The following ME3 variants were observed in gnomAD, a reference collection of about 807,000 sequenced individuals.
ME3 encodes NADP-dependent malic enzyme, mitochondrial.
ME3 carries 48 observed loss-of-function variants against 68.9 expected under a neutral mutation model. The ratio of observed to expected loss-of-function variants is 0.70; its 90% CI spans 0.55 to 0.89. The LOEUF (loss-of-function observed/expected upper bound fraction) is 0.89. Among genes scored for constraint, ME3 ranks in the 40% least tolerant of loss-of-function variants. The pLI is 0.00. For missense variants in ME3, 675 were observed against 797.4 expected (o/e 0.85, Z 1.85); for synonymous variants, 320 against 318.8 (o/e 1.00, Z -0.04).
intron 8 of ME3, among the ~76,000 whole-genome samples, chr11:86,462,391 A>C (rs1252702601): frequency 6.6e-6 from 1 of 152,238 alleles, no homozygotes; most frequent in Admixed American, 6.5e-5. Flanking sequence ...CTTCTGGTCA[A>C]CAGTAGGCTA....
At chr11:86,538,262 A>T (rs1194538416) in intron 4 of ME3, among the ~76,000 whole-genome samples, 1 of 152,202 alleles carries the variant, frequency 6.6e-6, no homozygotes, top group Non-Finnish European at 1.5e-5. Context: ...GTTGGAATAG[A>T]ATAGATTCAG....
chr11:86,499,787 C>A (rs140274142), intron 5 of ME3, among the ~76,000 whole-genome samples: 1 of 152,188 alleles, frequency 6.6e-6, no homozygotes, highest in African/African-American at 2.4e-5. Context: ...TTCCCCATAG[C>A]CTGGGCAGGT....
At chr11:86,531,574 G>C (rs112277557) in intron 4 of ME3, among the ~76,000 whole-genome samples, 11,744 of 152,114 alleles carry the variant, frequency 0.077, 575 homozygotes, top group East Asian at 0.26. Context: ...GCACTATTCA[G>C]AATAGCAAAG....
intron 2 of ME3, among the ~76,000 whole-genome samples, chr11:86,584,604 A>G (rs753657205): frequency 9.9e-5 from 15 of 152,248 alleles, no homozygotes; most frequent in Admixed American, 8.5e-4. Context: ...ATGGAATATT[A>G]TTCAGCCTTA....
chr11:86,553,139 G>T (rs1956775745), intron 4 of ME3, among the ~76,000 whole-genome samples: 1 of 152,218 alleles, frequency 6.6e-6, no homozygotes, highest in Non-Finnish European at 1.5e-5. Context: ...GCAGGATGAG[G>T]CAAAGGAGGC....
At chr11:86,661,451 A>G (rs1338764190) in intron 2 of ME3, among the ~76,000 whole-genome samples, 1 of 152,206 alleles carries the variant, frequency 6.6e-6, no homozygotes, top group Non-Finnish European at 1.5e-5. Context: ...CTTTAATTCT[A>G]TTTGTAGAAT....
At chr11:86,602,913 C>T (rs1421508853) in intron 2 of ME3, among the ~76,000 whole-genome samples, 5 of 152,174 alleles carry the variant, frequency 3.3e-5, no homozygotes, top group South Asian at 2.1e-4. Flanking sequence ...AAAGCTGAAA[C>T]TGGATCCTTT....
intron 7 of ME3, among the ~76,000 whole-genome samples, chr11:86,466,458 G>A (rs1453887632): frequency 6.6e-6 from 1 of 152,162 alleles, no homozygotes; most frequent in African/African-American, 2.4e-5. Flanking sequence ...CTTCCAACCT[G>A]GTGACCTACA....
At chr11:86,475,780 A>G (rs2138828962) in intron 7 of ME3, among the ~76,000 whole-genome samples, 1 of 151,446 alleles carries the variant, frequency 6.6e-6, no homozygotes, top group Middle Eastern at 3.4e-3. Flanking sequence ...TTAAAGTCCT[A>G]GGCTGGATCC....
intron 4 of ME3, among the ~76,000 whole-genome samples, chr11:86,539,994 G>A (rs1039121873): frequency 1.3e-5 from 2 of 152,210 alleles, no homozygotes; most frequent in Admixed American, 6.5e-5. Flanking sequence ...TATGGTAAAC[G>A]TATCTGATAG....
rs752012199 is a variant in ME3, at chr11:86,442,939, C to T, written c.1555-20G>A. On this transcript the variant is annotated intron_variant, in intron 13 of 14. Coordinates refer to ENST00000543262, the Ensembl canonical transcript of ME3. ...AATTTGCTGGGGAGAAGGAGAGAAC[C>T]GAGAGGAATAAGCTGAGTCTCTGCC... The T allele has an allele frequency of 1.3e-5, 20 of 1,586,174 alleles. No individual in the cohort carries two copies. The highest frequency in any genetic ancestry group is 8.9e-5 in the South Asian group (8 of 90,174).
chr11:86,605,735 T>A (rs1192166070), intron 2 of ME3, among the ~76,000 whole-genome samples: 2 of 152,188 alleles, frequency 1.3e-5, no homozygotes, highest in Non-Finnish European at 2.9e-5. Flanking sequence ...ATAGATTTTT[T>A]AAAAATCACA....
At chr11:86,579,362 G>C (rs1651330465) in intron 2 of ME3, among the ~76,000 whole-genome samples, 2 of 152,138 alleles carry the variant, frequency 1.3e-5, no homozygotes, top group South Asian at 4.2e-4. Context: ...ATCAGGCCTT[G>C]GAGTTGGTGT....
intron 8 of ME3, among the ~76,000 whole-genome samples, chr11:86,464,839 C>T (rs372342465): frequency 6.6e-6 from 1 of 152,228 alleles, no homozygotes; most frequent in Admixed American, 6.5e-5. Context: ...TTCTTACATA[C>T]ATTAAATCAC....
At chr11:86,535,876 T>C (rs903933841) in intron 4 of ME3, among the ~76,000 whole-genome samples, 12 of 152,184 alleles carry the variant, frequency 7.9e-5, no homozygotes, top group Non-Finnish European at 1.5e-4. Flanking sequence ...TTCTTCTATC[T>C]ATCCACTACT....
chr11:86,627,250 A>G (rs1041238788), intron 2 of ME3, among the ~76,000 whole-genome samples: 1 of 152,248 alleles, frequency 6.6e-6, no homozygotes, highest in African/African-American at 2.4e-5. Context: ...TGGGTAAAAT[A>G]GAGTGTGGCA....
At chr11:86,622,803 A>T (rs1230142280) in intron 2 of ME3, 1 of 151,862 alleles carries the variant, frequency 6.6e-6, no homozygotes, top group African/African-American at 2.4e-5. Context: ...ATCCATCAAG[A>T]TTGTCTTCGA....
intron 7 of ME3, among the ~76,000 whole-genome samples, chr11:86,467,662 TTCTCTCTC>T (rs57747402): frequency 0.36 from 51,743 of 144,006 alleles, 9,472 homozygotes; most frequent in South Asian, 0.47. Context: ...CTCTCTCTGT[TTCTCTCTC>T]TCTCTCTCTC....
chr11:86,595,134 G>GA (rs1565185671), intron 2 of ME3, among the ~76,000 whole-genome samples: 1 of 142,740 alleles, frequency 7.0e-6, no homozygotes, highest in Non-Finnish European at 1.5e-5. Context: ...CTAATAATAA[G>GA]AAAAAGGGGA....
Sources: allele counts gnomAD v4.1 joint callset (sites outside exome capture counted in the v4.1 genomes callset), GRCh38; gene constraint gnomAD v4.1.1; transcripts MANE v1.5; gene names NCBI Gene and HGNC (gene_info 2026-07-23, HGNC 2026-07-21).